ZFP90: variants seen among roughly 807,000 people sequenced by gnomAD.
The protein encoded by ZFP90 is zinc finger protein 90 homolog.
ZFP90 carries 38 observed loss-of-function variants against 60.8 expected under a neutral mutation model. The observed-to-expected ratio is 0.62, with a 90% CI of 0.48 to 0.82. The LOEUF (loss-of-function observed/expected upper bound fraction) is 0.82. Among genes scored for constraint, ZFP90 ranks in the 40% least tolerant of loss-of-function variants. The pLI, the probability that ZFP90 is intolerant of heterozygous loss-of-function variation, is 0.00. For synonymous variants in ZFP90, 287 were observed against 264.8 expected (o/e 1.08, Z -0.82); for missense variants, 711 against 759.1 (o/e 0.94, Z 0.74).
rs894456827 is a variant in ZFP90 at position 68,567,023 on chromosome 16, C to T, written c.*2325C>T. ...CATTGACCAGAAGGCTTTCTTAGTC[C>T]CAACAGCCATGAACCATGCACTTAT... On this transcript the variant is annotated 3_prime_UTR_variant, in exon 5 of 5. Coordinates refer to ENST00000563169, the MANE Select transcript of ZFP90 (RefSeq NM_001305203.2). 2.0e-6 allele frequency: 2 copies of T among 985,516 alleles called. No individual in the cohort carries two copies. The highest frequency in any genetic ancestry group is 4.7e-5 in the South Asian group (1 of 21,280). The allele number at this position is 985,516 out of a possible 1,614,324, so 61.0% of individuals were successfully genotyped here. A position where few individuals can be genotyped will look rare whatever the true frequency, so the allele number is the denominator to read the frequency against.
chr16:68,564,854 A>G lies in ZFP90; in HGVS notation c.*156A>G. 1 of 793,220 alleles carries G rather than the reference A, an allele frequency of 1.3e-6. No homozygotes were observed. Among genetic ancestry groups the G allele is most frequent in the Non-Finnish European group, 1.7e-6 (1 of 585,482 alleles). 49.1% of individuals were successfully genotyped at this position (793,220 alleles called of 1,614,324 possible). A position where few individuals can be genotyped will look rare whatever the true frequency, so the allele number is the denominator to read the frequency against. On this transcript the variant is annotated 3_prime_UTR_variant, in exon 5 of 5. Transcript: ENST00000563169. ...GCCAGTAGACAGATTTTTTTTTTTT[A>G]ACATAAAGACACATTCTCAGATCTG...
At chr16:68,542,406 C>G (rs1019839524) in intron 2 of ZFP90, among the ~76,000 whole-genome samples, 1 of 152,124 alleles carries the variant, frequency 6.6e-6, no homozygotes, top group Non-Finnish European at 1.5e-5. Flanking sequence ...GCCTGGCCAA[C>G]ATGGTGAAAC....
chr16:68,546,288 ATC>A (rs2091148575), intron 2 of ZFP90, among the ~76,000 whole-genome samples: 1 of 152,198 alleles, frequency 6.6e-6, no homozygotes, highest in African/African-American at 2.4e-5. Flanking sequence ...ACATAAGACA[ATC>A]TTAAGTGTAC....
chr16:68,573,957 G>C (rs2091580461), intron 2 of ZFP90: 1 of 152,162 alleles, frequency 6.6e-6, no homozygotes, highest in Admixed American at 6.5e-5. Flanking sequence ...CTTCTGAGTG[G>C]CACAGCGTGG....
intron 2 of ZFP90, chr16:68,575,752 A>T (rs2091591111): frequency 7.5e-6 from 3 of 398,094 alleles, no homozygotes; most frequent in Non-Finnish European, 1.3e-5. Context: ...TTCAGCTTGA[A>T]GGTTGGGTTT....
chr16:68,576,026 A>T, exon 3 of ZFP90: 1 of 343,472 alleles, frequency 2.9e-6, no homozygotes, highest in Admixed American at 5.4e-5. Context: ...GCAGCAAGCT[A>T]GGAAACATTT....
chr16:68,534,215 T>TA (rs1330830625), intron 2 of ZFP90, among the ~76,000 whole-genome samples: 2 of 142,468 alleles, frequency 1.4e-5, no homozygotes, highest in African/African-American at 2.6e-5. Flanking sequence ...ATTTTTAACT[T>TA]AAAGATTTTC....
downstream of ZFP90, among the ~76,000 whole-genome samples, chr16:68,570,608 T>C (rs2091562432): frequency 6.6e-6 from 1 of 152,228 alleles, no homozygotes; most frequent in Non-Finnish European, 1.5e-5. Flanking sequence ...GGGAGGGTCT[T>C]ACGCTAATGA....
chr16:68,538,677 A>G (rs2090980868), upstream of ZFP90, among the ~76,000 whole-genome samples: 1 of 150,196 alleles, frequency 6.7e-6, no homozygotes, highest in African/African-American at 2.5e-5. Context: ...TTGCACTCCA[A>G]CCTAGGCAAC....
chr16:68,540,259 G>C (rs955724161), intron 2 of ZFP90, among the ~76,000 whole-genome samples: 14 of 152,158 alleles, frequency 9.2e-5, no homozygotes, highest in Non-Finnish European at 1.5e-4. Flanking sequence ...GGCCGTAGAA[G>C]CCTGGTTAGA....
intron 2 of ZFP90, chr16:68,557,131 GCA>G (rs1410840673): frequency 2.2e-6 from 1 of 451,856 alleles, no homozygotes; most frequent in Non-Finnish European, 4.4e-6. Flanking sequence ...GGGACTGTAG[GCA>G]CACACCACCA....
At chr16:68,559,406 A>T (rs1413228619) in intron 4 of ZFP90, among the ~76,000 whole-genome samples, 3 of 152,156 alleles carry the variant, frequency 2.0e-5, no homozygotes, top group Non-Finnish European at 4.4e-5. Context: ...CTTGCCTATT[A>T]GAATCCAAAG....
At chr16:68,554,249 G>C (rs1333126850) in intron 2 of ZFP90, among the ~76,000 whole-genome samples, 2 of 151,880 alleles carry the variant, frequency 1.3e-5, no homozygotes, top group Non-Finnish European at 2.9e-5. Flanking sequence ...ATCCTCCCGA[G>C]TAGATGGGAT....
chr16:68,542,761 T>C (rs1026632319), intron 2 of ZFP90, among the ~76,000 whole-genome samples: 1 of 152,144 alleles, frequency 6.6e-6, no homozygotes, highest in African/African-American at 2.4e-5. Context: ...AGTTTGGACT[T>C]GTTCTTTTTG....
intron 2 of ZFP90, among the ~76,000 whole-genome samples, chr16:68,541,602 T>G (rs2091050963): frequency 6.6e-6 from 1 of 152,078 alleles, no homozygotes; most frequent in African/African-American, 2.4e-5. Context: ...CGGCCTGCGT[T>G]TTTATATATA....
chr16:68,544,447 AG>A (rs1273830323), intron 2 of ZFP90, among the ~76,000 whole-genome samples: 5 of 152,152 alleles, frequency 3.3e-5, no homozygotes, highest in African/African-American at 1.2e-4. Flanking sequence ...AAGAGAAATG[AG>A]GGAAGTTTTA....
At chr16:68,540,460 A>G (rs2091021638) in intron 2 of ZFP90, among the ~76,000 whole-genome samples, 1 of 152,150 alleles carries the variant, frequency 6.6e-6, no homozygotes, top group African/African-American at 2.4e-5. Flanking sequence ...CTTCACCTTA[A>G]TGTGAGGCTG....
At chr16:68,560,537 T>TTGATTTTGTTTGTTTGTTTGTTTGTTTA (rs149308667) in intron 4 of ZFP90, among the ~76,000 whole-genome samples, 1 of 147,116 alleles carries the variant, frequency 6.8e-6, no homozygotes, top group African/African-American at 2.5e-5. Context: ...CCACACTGGA[T>TTGATTTTGTTTGTTTGTTTGTTTGTTTA]TTTATTTATT....
At position 68,565,351 on chromosome 16, in the gene ZFP90, A is replaced by AT. The variant is rs2091508593; in HGVS notation, c.*657dup. 1.0e-5 allele frequency: 10 copies of AT among 985,592 alleles called. No homozygotes were observed. Among genetic ancestry groups the AT allele is most frequent in the Non-Finnish European group, 1.2e-5 (10 of 829,940 alleles). 61.1% of individuals were successfully genotyped at this position (985,592 alleles called of 1,614,324 possible). ...TTGGACTCAGAGGGCTTTAAAATAA[A>AT]TTTTAAGATGTATCAGATACACAAA... On this transcript the variant is annotated 3_prime_UTR_variant, in exon 5 of 5. Coordinates refer to ENST00000563169, the MANE Select transcript of ZFP90 (RefSeq NM_001305203.2).
Sources: allele counts gnomAD v4.1 joint callset (sites outside exome capture counted in the v4.1 genomes callset), GRCh38; gene constraint gnomAD v4.1.1; transcripts MANE v1.5; gene names NCBI Gene and HGNC (gene_info 2026-07-23, HGNC 2026-07-21).